Variants in NTM observed in about 807,000 individuals in gnomAD.
The protein encoded by NTM is IgLON family member 2.
NTM carries 13 observed loss-of-function variants against 42.1 expected under a neutral mutation model. The observed-to-expected ratio is 0.31, with a 90% CI of 0.20 to 0.49. The LOEUF (loss-of-function observed/expected upper bound fraction) is 0.49, where lower values mean the gene tolerates loss of function less well. Ranked by LOEUF, NTM falls within the 20% of genes least tolerant of loss-of-function variation. The pLI is 0.99. For missense variants in NTM, 373 were observed against 452.8 expected, an observed-to-expected ratio of 0.82 and a Z score of 1.60; for synonymous variants, 187 against 179.2, an observed-to-expected ratio of 1.04 and a Z score of -0.35.
intron 2 of NTM, among the ~76,000 whole-genome samples, chr11:132,128,391 T>A (rs1483945053): frequency 6.6e-6 from 1 of 152,192 alleles, no homozygotes; most frequent in Admixed American, 6.5e-5. Flanking sequence ...CTGTTTACTC[T>A]CTCAGCTGTA....
At chr11:131,640,952 C>T (rs747383531) in intron 1 of NTM, among the ~76,000 whole-genome samples, 3 of 152,176 alleles carry the variant, frequency 2.0e-5, no homozygotes, top group Non-Finnish European at 4.4e-5. Flanking sequence ...AATATCAGCA[C>T]TCTATATTTG....
intron 2 of NTM, among the ~76,000 whole-genome samples, chr11:131,987,166 T>C (rs535646598): frequency 1.3e-5 from 2 of 152,332 alleles, no homozygotes; most frequent in South Asian, 2.1e-4. Context: ...TAAAGTTGTA[T>C]AACTAGCAAG....
intron 2 of NTM, among the ~76,000 whole-genome samples, chr11:131,972,171 C>G (rs761792989): frequency 1.3e-5 from 2 of 151,770 alleles, no homozygotes; most frequent in Non-Finnish European, 1.5e-5. Context: ...TGTGATTGCA[C>G]CACTGCACTT....
chr11:131,646,654 T>C (rs2065808197), intron 1 of NTM, among the ~76,000 whole-genome samples: 1 of 152,232 alleles, frequency 6.6e-6, no homozygotes. Context: ...AGAATCGTTT[T>C]TTTTCAAATC....
chr11:131,376,381 TCTC>T (rs758602479), intron 1 of NTM, among the ~76,000 whole-genome samples: 147 of 152,292 alleles, frequency 9.7e-4, no homozygotes, highest in Admixed American at 1.9e-3. Flanking sequence ...TCCTTTCTCT[TCTC>T]CTTTTCTACT....
At chr11:132,265,751 A>AT (rs879832725) in intron 4 of NTM, among the ~76,000 whole-genome samples, 9 of 152,038 alleles carry the variant, frequency 5.9e-5, no homozygotes, top group African/African-American at 9.7e-5. Context: ...TATTTCAAGC[A>AT]TTTTTTTTAT....
chr11:132,325,702 A>G (rs1486303875), intron 7 of NTM, among the ~76,000 whole-genome samples: 1 of 152,232 alleles, frequency 6.6e-6, no homozygotes, highest in Non-Finnish European at 1.5e-5. Context: ...ATGCTGCTAT[A>G]AAGACACACG....
chr11:131,379,670 CT>C (rs1005816342), intron 1 of NTM, among the ~76,000 whole-genome samples: 1 of 152,176 alleles, frequency 6.6e-6, no homozygotes, highest in African/African-American at 2.4e-5. Context: ...TAAATATTAC[CT>C]AATTCTACTA....
intron 1 of NTM, among the ~76,000 whole-genome samples, chr11:131,866,950 A>G (rs2047282582): frequency 6.6e-6 from 1 of 152,202 alleles, no homozygotes; most frequent in East Asian, 1.9e-4. Flanking sequence ...TTCCCGTGGA[A>G]TGACAGCAAG....
chr11:131,956,449 G>A (rs1387400383), intron 2 of NTM, among the ~76,000 whole-genome samples: 1 of 152,108 alleles, frequency 6.6e-6, no homozygotes, highest in Non-Finnish European at 1.5e-5. Context: ...GCTTTCCCAG[G>A]CAAGTTAGGA....
intron 1 of NTM, among the ~76,000 whole-genome samples, chr11:131,815,452 C>T (rs569763914): frequency 1.3e-5 from 2 of 152,312 alleles, no homozygotes; most frequent in South Asian, 4.1e-4. Flanking sequence ...CTCCTCCCCA[C>T]AGCAAGCTTC....
intron 1 of NTM, among the ~76,000 whole-genome samples, chr11:131,703,981 C>G (rs1168960341): frequency 6.6e-6 from 1 of 152,140 alleles, no homozygotes; most frequent in Non-Finnish European, 1.5e-5. Context: ...CAGAACCAGG[C>G]TTTAGACCCA....
intron 2 of NTM, among the ~76,000 whole-genome samples, chr11:132,108,239 G>A (rs1252409880): frequency 6.6e-6 from 1 of 152,088 alleles, no homozygotes; most frequent in African/African-American, 2.4e-5. Context: ...ACAGGCTTTA[G>A]TTTAATCCGC....
At chr11:131,881,291 C>A (rs10894471) in intron 1 of NTM, among the ~76,000 whole-genome samples, 79,102 of 151,890 alleles carry the variant, frequency 0.52, 20,890 homozygotes, top group East Asian at 0.81. Context: ...TTTTCCTTAC[C>A]ACCCTCCTCT....
chr11:132,292,947 GGTGGTTCAGT>G (rs2094499270), intron 4 of NTM, among the ~76,000 whole-genome samples: 1 of 152,092 alleles, frequency 6.6e-6, no homozygotes, highest in Non-Finnish European at 1.5e-5. Flanking sequence ...TGCCTTCAGA[GGTGGTTCAGT>G]TTCTGACAAG....
chr11:131,945,678 A>G (rs1049124767), intron 2 of NTM, among the ~76,000 whole-genome samples: 1 of 152,172 alleles, frequency 6.6e-6, no homozygotes, highest in African/African-American at 2.4e-5. Context: ...AGAAAGGACA[A>G]ATTGCATACT....
chr11:131,595,697 G>A (rs2059757584), intron 1 of NTM, among the ~76,000 whole-genome samples: 1 of 152,170 alleles, frequency 6.6e-6, no homozygotes, highest in Non-Finnish European at 1.5e-5. Flanking sequence ...TGAAGGTTTT[G>A]GGCTGACAGT....
intron 1 of NTM, among the ~76,000 whole-genome samples, chr11:131,501,666 C>G (rs73572350): frequency 6.6e-6 from 1 of 152,098 alleles, no homozygotes; most frequent in African/African-American, 2.4e-5. Flanking sequence ...GGGGCTGTTG[C>G]AGTGAAAGCA....
chr11:131,987,375 C>A (rs1245673419), intron 2 of NTM, among the ~76,000 whole-genome samples: 3 of 134,036 alleles, frequency 2.2e-5, no homozygotes, highest in Admixed American at 7.5e-5. Context: ...CTGTCCTATT[C>A]CTCCTATTCT....
Sources: allele counts gnomAD v4.1 joint callset (sites outside exome capture counted in the v4.1 genomes callset), GRCh38; gene constraint gnomAD v4.1.1; transcripts MANE v1.5; gene names NCBI Gene and HGNC (gene_info 2026-07-23, HGNC 2026-07-21).